The following SZT2 variants were observed in gnomAD, a reference collection of about 807,000 sequenced individuals.
SZT2 encodes SZT2 subunit of KICSTOR complex, also known as KICSTOR complex protein SZT2.
A neutral mutation model predicts 404.2 loss-of-function variants in SZT2; 216 were observed. That is an observed-to-expected ratio of 0.53 (90% CI 0.48 to 0.60). The LOEUF (loss-of-function observed/expected upper bound fraction) is 0.60, where lower values mean the gene tolerates loss of function less well. Ranked by LOEUF, SZT2 falls within the 20% of genes least tolerant of loss-of-function variation. SZT2 has a pLI of 0.00. For synonymous variants in SZT2, 1,693 were observed against 1,749.9 expected, an observed-to-expected ratio of 0.97 and a Z score of 0.81; for missense variants, 3,857 against 4,459.2, an observed-to-expected ratio of 0.86 and a Z score of 3.85.
At position 43,424,388 on chromosome 1, in the gene SZT2, G is replaced by A. The variant is rs761742264; in HGVS notation, c.2427G>A (p.Ala809=). Residue 809 remains alanine (A), a synonymous_variant, in exon 16 of 72, where the codon GCG becomes GCA. Coordinates refer to ENST00000634258, the MANE Select transcript of SZT2 (RefSeq NM_001365999.1). This position sits in a 1 kb window ranked among gnomAD's most constrained non-coding sequence, Gnocchi z 4.1. ...LWSVPSGLAP[A]LPLSAIAQLL... is the part of the protein sequence containing the mutation. ...GTGTCCCGTCAGGACTGGCCCCTGC[G>A]CTGCCTCTCAGTGCCATTGCCCAGC... The A allele has an allele frequency of 1.0e-5, 16 of 1,597,880 alleles. No individual in the cohort carries two copies. The highest frequency in any genetic ancestry group is 5.0e-5 in the Admixed American group (3 of 59,976).
rs369641125 is a variant in SZT2, at chr1:43,446,922, C to T, written c.9073-33C>T. The T allele has an allele frequency of 3.6e-5, 57 of 1,595,966 alleles. No individual in the cohort carries two copies. In the African/African-American group the frequency reaches 3.6e-4, roughly 10 times the overall value. ...GTTTTGGGCAGCCAGTGCAGCCATA[C>T]CTTAACCCTGTCTCCTGCTGCTGCC... is the stretch of plus-strand genomic sequence containing the variant. On this transcript the variant is annotated intron_variant, in intron 65 of 71. Transcript: ENST00000634258.
In SZT2 at chr1:43,431,791, C is replaced by T. The variant is rs1287393849; in HGVS notation, c.5164C>T (p.Arg1722Cys). ...CATCCCACAGAGTCCTGCCCTGCAC[C>T]GCGCAGCTGCCCATATCCATAGTTC... Reference protein sequence around the residue: ...GGIPQSPALHRAAAHIHSSPG... With the variant: ...GGIPQSPALHCAAAHIHSSPG... The change falls in exon 36 of 72, where the codon CGC (arginine) becomes TGC (cysteine). Residue 1722 changes from arginine to cysteine, a missense_variant. Arg to Cys is a radical substitution (Grantham distance 180). Around this residue, in one of 7 missense-constraint regions of SZT2, gnomAD observed 1,725 missense variants for 1,881.0 expected, o/e 0.92. Coordinates refer to ENST00000634258, the MANE Select transcript of SZT2 (RefSeq NM_001365999.1). 12 of 1,614,094 alleles carry T rather than the reference C, an allele frequency of 7.4e-6. No individual in the cohort carries two copies. Among genetic ancestry groups the T allele is most frequent in the African/African-American group, 1.3e-5 (1 of 74,926 alleles).
rs772495796 is a variant in SZT2 at position 43,403,445 on chromosome 1, T to A, written c.153+143T>A. The A allele has an allele frequency of 2.8e-6, 4 of 1,414,558 alleles. No homozygotes were observed. The East Asian group carries it at 9.8e-5, about 35-fold the overall frequency. 87.6% of individuals were successfully genotyped at this position (1,414,558 alleles called of 1,614,324 possible). A position where few individuals can be genotyped will look rare whatever the true frequency, so the allele number is the denominator to read the frequency against. On this transcript the variant is annotated intron_variant, in intron 2 of 71. Coordinates refer to ENST00000634258, the MANE Select transcript of SZT2 (RefSeq NM_001365999.1). ...ACTGCCTACAAGATGATGGAAATTTTAAAAAATAATTTTTCCAGAGAGTGA... is the reference window on the plus strand; with the variant it reads ...ACTGCCTACAAGATGATGGAAATTTAAAAAAATAATTTTTCCAGAGAGTGA...
rs78017013 is a variant in SZT2, at chr1:43,404,984, G to A, written c.498+434G>A. The A allele has an allele frequency of 8.0e-3, 1,237 of 153,680 alleles. 34 individuals carry two copies. The highest frequency in any genetic ancestry group is 0.078 in the East Asian group (405 of 5,222). The allele number at this position is 153,680 out of a possible 1,614,324, so 9.5% of individuals were successfully genotyped here. A position where few individuals can be genotyped will look rare whatever the true frequency, so the allele number is the denominator to read the frequency against. ...ACCCAGAAATGTAATTGGTTTCAAG[G>A]ATAGAGGAGGGTCATTTTTTGTTGT... is the stretch of plus-strand genomic sequence containing the variant. On this transcript the variant is annotated intron_variant, in intron 4 of 71. Transcript: ENST00000634258.
At chr1:43,396,007 G>A (rs1280882252) in intron 1 of SZT2, among the ~76,000 whole-genome samples, 1 of 152,210 alleles carries the variant, frequency 6.6e-6, no homozygotes, top group Admixed American at 6.5e-5. Flanking sequence ...ATGATCGTAT[G>A]TGTCCAAAAA....
At chr1:43,401,083 G>T (rs1030888570) in intron 1 of SZT2, among the ~76,000 whole-genome samples, 7 of 151,966 alleles carry the variant, frequency 4.6e-5, no homozygotes, top group African/African-American at 1.7e-4. Flanking sequence ...CACTACGCCT[G>T]GCTAATTTTT....
chr1:43,440,367 C>T (rs1327821822), intron 51 of SZT2, 86 bp from the exon 52 acceptor site: 2 of 1,494,416 alleles, frequency 1.3e-6, no homozygotes, highest in African/African-American at 2.8e-5. Context: ...GGTGGCAAGT[C>T]ACTGTCATAC....
intron 28 of SZT2, chr1:43,429,304 G>A (rs781329388): frequency 2.2e-5 from 4 of 179,356 alleles, no homozygotes; most frequent in Non-Finnish European, 3.6e-5. Context: ...AGGCTGAGGC[G>A]GGAGGATCAC....
Position 43,430,577 on chromosome 1 carries a change from T to C in SZT2, c.4562T>C (p.Leu1521Pro). ...VEYRESRESDLGPAGLDSASL... is the reference protein window; with the variant it reads ...VEYRESRESDPGPAGLDSASL... ...TACCGGGAGAGCCGTGAATCAGACC[T>C]GGGGCCTGCTGGGCTAGACTCTGCC... The change falls in exon 32 of 72, where the codon CTG (leucine) becomes CCG (proline). Residue 1521 changes from leucine to proline, a missense_variant. By Grantham distance (98) the Leu-to-Pro change is moderately conservative. Transcript: ENST00000634258. 6.2e-7 allele frequency: 1 copy of C among 1,614,116 alleles called. No individual in the cohort carries two copies. The highest frequency in any genetic ancestry group is 8.5e-7 in the Non-Finnish European group (1 of 1,180,026).
chr1:43,415,166 G>A lies in SZT2; in HGVS notation c.583G>A (p.Asp195Asn), dbSNP rs926426692. The stretch of plus-strand genomic sequence containing the variant: ...ATATGAGCAGCTCTGCCTCTTTGAG[G>A]ATAAGGTGGCCACCATGCTGCAGCA... ...QIYEQLCLFE[D>N]KVATMLQQQY... is the part of the protein sequence containing the mutation. The change falls in exon 5 of 72, where the codon GAT (aspartate) becomes AAT (asparagine). Residue 195 changes from aspartate to asparagine, a missense_variant. Transcript: ENST00000634258. The A allele has an allele frequency of 1.9e-6, 3 of 1,597,974 alleles. No homozygotes were observed. The highest frequency in any genetic ancestry group is 2.5e-6 in the Non-Finnish European group (3 of 1,179,616).
chr1:43,390,407 C>G (rs1226031398), intron 1 of SZT2, among the ~76,000 whole-genome samples: 1 of 152,190 alleles, frequency 6.6e-6, no homozygotes, highest in Non-Finnish European at 1.5e-5. Context: ...TTCTAGGGCT[C>G]ATGCTTTTAG....
Position 43,446,361 on chromosome 1 carries a change from AAC to A in SZT2, c.9019_9020del (p.Gln3007ValfsTer27). ...CTCCAGGGCTGTTACTTCTGTGTCA[AAC>A]AGTTTGCCCTGGAATGTTCCCGAAT... On this transcript the variant is annotated frameshift_variant, in exon 65 of 72. Coordinates refer to ENST00000634258, the MANE Select transcript of SZT2 (RefSeq NM_001365999.1). LOFTEE classifies it high-confidence loss of function. The A allele has an allele frequency of 6.2e-7, 1 of 1,614,206 alleles. No homozygotes were observed. Among genetic ancestry groups the A allele is most frequent in the Non-Finnish European group, 8.5e-7 (1 of 1,180,028 alleles).
At chr1:43,433,291 C>A in intron 40 of SZT2, 101 bp downstream of exon 40, 1 of 1,317,848 alleles carries the variant, frequency 7.6e-7, no homozygotes, top group South Asian at 1.3e-5. Flanking sequence ...AGACTTGGGA[C>A]TGAGAGCTTG....
In SZT2 at chr1:43,425,353, C is replaced by T. The variant is rs962123153; in HGVS notation, c.2646-121C>T. On this transcript the variant is annotated intron_variant, in intron 18 of 71. Transcript: ENST00000634258. The surrounding 1 kb of genome is among the most constrained non-coding windows in gnomAD (Gnocchi z 4.3). ...GTGTTTAGATGCTTCATCAGGCAGA[C>T]GCTGGTCTGGGAAGGCCTTGTATGA... is the stretch of plus-strand genomic sequence containing the variant. The T allele has an allele frequency of 1.5e-5, 22 of 1,515,138 alleles. 1 individual carries two copies. Among genetic ancestry groups the T allele is most frequent in the Admixed American group, 8.8e-5 (5 of 56,706 alleles). The allele number at this position is 1,515,138 out of a possible 1,614,324, so 93.9% of individuals were successfully genotyped here. A position where few individuals can be genotyped will look rare whatever the true frequency, so the allele number is the denominator to read the frequency against.
chr1:43,445,172 C>T (rs1048263074), intron 62 of SZT2: 3 of 152,366 alleles, frequency 2.0e-5, no homozygotes, highest in African/African-American at 7.2e-5. Flanking sequence ...ATCTGAATTC[C>T]TTTAGACACT....
intron 4 of SZT2, among the ~76,000 whole-genome samples, chr1:43,407,367 T>C (rs549513931): frequency 6.6e-6 from 1 of 152,092 alleles, no homozygotes; most frequent in South Asian, 2.1e-4. Context: ...AACAAAAAAA[T>C]TAGCTGGGCG....
chr1:43,445,125 T>C (rs2153936369), intron 62 of SZT2: 1 of 152,162 alleles, frequency 6.6e-6, no homozygotes, highest in Non-Finnish European at 1.5e-5. Flanking sequence ...AGGACTTTAG[T>C]TTGCACACTT....
Position 43,431,882 on chromosome 1 carries a change from C to A in SZT2, c.5255C>A (p.Ser1752Tyr). 6.2e-7 allele frequency: 1 copy of A among 1,614,164 alleles called. No individual in the cohort carries two copies. The highest frequency in any genetic ancestry group is 8.5e-7 in the Non-Finnish European group (1 of 1,180,034). ...PLSFVFGPERSLTQFKEEFRR... is the reference protein window; with the variant it reads ...PLSFVFGPERYLTQFKEEFRR... ...AGTTTTGTATTTGGGCCAGAGCGTT[C>A]CCTCACACAATTCAAGGAGGTAAGT... The change falls in exon 36 of 72, where the codon TCC (serine) becomes TAC (tyrosine). Residue 1752 changes from serine to tyrosine, a missense_variant. By Grantham distance (144) the Ser-to-Tyr change is moderately radical. Coordinates refer to ENST00000634258, the MANE Select transcript of SZT2 (RefSeq NM_001365999.1).
Position 43,427,538 on chromosome 1 carries a change from C to T in SZT2, c.3607C>T (p.Gln1203Ter), listed in dbSNP as rs1390284075. 1 of 1,614,212 alleles carries T rather than the reference C, an allele frequency of 6.2e-7. No individual in the cohort carries two copies. Among genetic ancestry groups the T allele is most frequent in the Admixed American group, 1.7e-5 (1 of 60,030 alleles). The change falls in exon 26 of 72, where the codon CAG becomes TAG. Residue 1203 changes from glutamine to a stop codon, truncating the protein, a stop_gained. Coordinates refer to ENST00000634258, the MANE Select transcript of SZT2 (RefSeq NM_001365999.1). LOFTEE classifies it high-confidence loss of function. ...ACACCTTTTCTTCACAGACAATGCC[C>T]AGAATCAAGGAGAGCTAAGTCCACC... The part of the protein sequence containing the change: ...LSVTLASDNA[Q>*]NQGELSPPFR...
Sources: gnomAD v4.1 joint callset for allele counts (sites outside exome capture counted in the v4.1 genomes callset) on GRCh38, gnomAD v4.1.1 for gene constraint, gnomAD v4.1.1 regional missense constraint, Gnocchi (gnomAD v3.1) non-coding constraint, MANE v1.5 for transcripts, NCBI Gene and HGNC (gene_info 2026-07-23, HGNC 2026-07-21) for gene names.